RANBP2: variants seen among roughly 807,000 people sequenced by gnomAD.
RANBP2 encodes the protein E3 SUMO-protein ligase RanBP2.
In RANBP2, 57 loss-of-function variants were observed where a neutral mutation model predicts 303.6. The ratio of observed to expected loss-of-function variants is 0.19; its 90% confidence interval spans 0.15 to 0.23. The LOEUF (loss-of-function observed/expected upper bound fraction) is 0.23. Ranked by LOEUF, RANBP2 falls within the 10% of genes least tolerant of loss-of-function variation. The pLI is 1.00. For synonymous variants in RANBP2, 1,167 were observed against 1,301.5 expected (o/e 0.90, Z 2.23); for missense variants, 3,138 against 3,780.8 (o/e 0.83, Z 4.46).
At chr2:108,794,845 C>A in the RANBP2 span, 2 of 736,556 alleles carry the variant, frequency 2.7e-6, no homozygotes, top group Non-Finnish European at 2.1e-6. Flanking sequence ...AAGAGAAGGA[C>A]GGAAGGGGAC....
chr2:109,565,705 G>A, the RANBP2 span: 1 of 1,378,778 alleles, frequency 7.3e-7, no homozygotes, highest in Non-Finnish European at 1.0e-6. Flanking sequence ...AGGCATGACA[G>A]GTAGCTTTGA....
the RANBP2 span, among the ~76,000 whole-genome samples, chr2:109,203,442 C>T: frequency 1.3e-5 from 2 of 152,170 alleles, no homozygotes; most frequent in African/African-American, 4.8e-5. Flanking sequence ...ATCACTGTAT[C>T]CCTGGCCATG....
chr2:109,551,190 A>G, the RANBP2 span, among the ~76,000 whole-genome samples: 1 of 152,250 alleles, frequency 6.6e-6, no homozygotes, highest in Non-Finnish European at 1.5e-5. Context: ...ATGTTCACAC[A>G]CTATTATCTA....
At chr2:109,652,544 C>T in the RANBP2 span, among the ~76,000 whole-genome samples, 4 of 152,154 alleles carry the variant, frequency 2.6e-5, no homozygotes, top group South Asian at 6.2e-4. Flanking sequence ...TCCTGAGAAA[C>T]TTCACGCTGA....
the RANBP2 span, among the ~76,000 whole-genome samples, chr2:109,388,240 C>T: frequency 1.3e-5 from 2 of 152,242 alleles, no homozygotes; most frequent in South Asian, 2.1e-4. Context: ...GTCTTCCCCT[C>T]TCAGCCAAGC....
At chr2:108,872,640 A>G in the RANBP2 span, among the ~76,000 whole-genome samples, 1 of 152,090 alleles carries the variant, frequency 6.6e-6, no homozygotes, top group Non-Finnish European at 1.5e-5. Context: ...TTGTTGCATC[A>G]TCACCTGGCA....
At chr2:108,727,006 A>G (rs1212469970) in intron 1 of RANBP2, among the ~76,000 whole-genome samples, 1 of 152,200 alleles carries the variant, frequency 6.6e-6, no homozygotes, top group African/African-American at 2.4e-5. Context: ...AGTGCAGAAC[A>G]AAATGAAAAG....
chr2:109,582,283 C>T, the RANBP2 span, among the ~76,000 whole-genome samples: 8 of 152,210 alleles, frequency 5.3e-5, 1 homozygote, highest in South Asian at 4.2e-4. Flanking sequence ...AACGGCCATA[C>T]TACCCAAAGC....
chr2:109,500,574 T>C, the RANBP2 span, among the ~76,000 whole-genome samples: 8 of 152,180 alleles, frequency 5.3e-5, no homozygotes, highest in East Asian at 1.9e-4. Flanking sequence ...TTGGGCCTTA[T>C]TGATGTTGAT....
chr2:108,763,708 C>A lies in RANBP2; in HGVS notation c.3169C>A (p.Pro1057Thr), dbSNP rs760089362. 2 of 1,614,078 alleles carry A rather than the reference C, an allele frequency of 1.2e-6. No individual in the cohort carries two copies. Among genetic ancestry groups the A allele is most frequent in the East Asian group, 4.5e-5 (2 of 44,884 alleles). The change falls in exon 20 of 29, where the codon CCT (proline) becomes ACT (threonine). Residue 1057 changes from proline (P) to threonine (T), a missense_variant. Coordinates refer to ENST00000283195, the MANE Select transcript of RANBP2 (RefSeq NM_006267.5). ...ACCACAGGTTGTGACACAGCCCCCT[C>A]CTGCAGCTTACAGTAACAGTGAAAG... Reference protein sequence around the residue: ...SSPQVVTQPPPAAYSNSESLL... With the variant: ...SSPQVVTQPPTAAYSNSESLL...
chr2:109,297,045 G>A, the RANBP2 span, among the ~76,000 whole-genome samples: 11 of 152,140 alleles, frequency 7.2e-5, no homozygotes, highest in African/African-American at 2.6e-4. Context: ...CTGGGTATTT[G>A]GTGGGGCCAA....
chr2:109,107,521 C>G, the RANBP2 span, among the ~76,000 whole-genome samples: 1 of 152,204 alleles, frequency 6.6e-6, no homozygotes, highest in Admixed American at 6.5e-5. Flanking sequence ...GTAGCTTCAG[C>G]TGGGTTGAAT....
At chr2:109,193,399 C>A in the RANBP2 span, among the ~76,000 whole-genome samples, 1 of 152,176 alleles carries the variant, frequency 6.6e-6, no homozygotes, top group South Asian at 2.1e-4. Flanking sequence ...CAATCATAGA[C>A]CATTTTTATC....
chr2:109,259,889 A>T, the RANBP2 span, among the ~76,000 whole-genome samples: 5 of 152,028 alleles, frequency 3.3e-5, no homozygotes, highest in Non-Finnish European at 7.4e-5. Context: ...GGCTCTGGAA[A>T]CTGTCAGTCA....
the RANBP2 span, among the ~76,000 whole-genome samples, chr2:108,847,607 A>C: frequency 2.6e-5 from 4 of 152,246 alleles, no homozygotes; most frequent in African/African-American, 9.6e-5. Context: ...ATATTTAGCT[A>C]TAACAGGTTA....
the RANBP2 span, among the ~76,000 whole-genome samples, chr2:108,920,686 G>A: frequency 1.5e-4 from 23 of 152,170 alleles, no homozygotes; most frequent in East Asian, 7.7e-4. Context: ...TCATTACTTG[G>A]CAACCCCAGA....
At chr2:108,957,867 G>A in the RANBP2 span, among the ~76,000 whole-genome samples, 4 of 152,226 alleles carry the variant, frequency 2.6e-5, no homozygotes, top group Non-Finnish European at 2.9e-5. Flanking sequence ...TTTTTGTAAC[G>A]TTTTTGATCT....
At chr2:109,586,041 C>T in the RANBP2 span, among the ~76,000 whole-genome samples, 1 of 151,950 alleles carries the variant, frequency 6.6e-6, no homozygotes, top group African/African-American at 2.4e-5. Flanking sequence ...ATTTCTTATC[C>T]CCTTCATACA....
chr2:109,483,997 C>T, the RANBP2 span, among the ~76,000 whole-genome samples: 3 of 152,074 alleles, frequency 2.0e-5, no homozygotes, highest in East Asian at 1.9e-4. Flanking sequence ...ATGCTCCCAG[C>T]GTCCACCAGA....
Sources: allele counts gnomAD v4.1 joint callset (sites outside exome capture counted in the v4.1 genomes callset), GRCh38; gene constraint gnomAD v4.1.1; transcripts MANE v1.5; gene names NCBI Gene and HGNC (gene_info 2026-07-23, HGNC 2026-07-21).